The following TMEM266 variants were observed in gnomAD, a reference collection of about 807,000 sequenced individuals.
TMEM266 encodes transmembrane protein 266, also known as Hv1 related protein 1.
In TMEM266, 33 loss-of-function variants were observed where a neutral mutation model predicts 50.5. The ratio of observed to expected loss-of-function variants is 0.65; its 90% CI spans 0.50 to 0.87. The LOEUF is 0.87. Among genes scored for constraint, TMEM266 ranks in the 40% least tolerant of loss-of-function variants. The pLI is 0.00. For synonymous variants in TMEM266, 310 were observed against 292.3 expected (o/e 1.06, Z -0.62); for missense variants, 655 against 695.1 (o/e 0.94, Z 0.65).
intron 2 of TMEM266, 60 bp downstream of exon 2, chr15:76,134,361 G>T: frequency 1.3e-6 from 2 of 1,559,018 alleles, no homozygotes; most frequent in Admixed American, 1.7e-5. Context: ...TCTCCCAGAA[G>T]ATGAAGATCT....
chr15:76,074,208 A>G (rs1209887811), intron 1 of TMEM266, among the ~76,000 whole-genome samples: 1 of 152,090 alleles, frequency 6.6e-6, no homozygotes, highest in Non-Finnish European at 1.5e-5. Context: ...ATCCTTTCAG[A>G]CTGGTTATTC....
intron 1 of TMEM266, among the ~76,000 whole-genome samples, chr15:76,086,036 G>A (rs973517935): frequency 7.1e-6 from 1 of 140,838 alleles, no homozygotes; most frequent in African/African-American, 2.7e-5. Flanking sequence ...CGATGAGAGC[G>A]AAACTCCATT....
At chr15:76,127,552 C>T (rs775532065) in intron 1 of TMEM266, among the ~76,000 whole-genome samples, 2 of 152,142 alleles carry the variant, frequency 1.3e-5, no homozygotes, top group Non-Finnish European at 2.9e-5. Flanking sequence ...CCTCTTACTC[C>T]TGATATCAAG....
intron 1 of TMEM266, among the ~76,000 whole-genome samples, chr15:76,079,625 TA>T (rs2036655483): frequency 6.7e-6 from 1 of 149,720 alleles, no homozygotes; most frequent in Admixed American, 6.7e-5. Flanking sequence ...CCATCTCTAC[TA>T]AAAATACAAA....
intron 2 of TMEM266, among the ~76,000 whole-genome samples, chr15:76,134,748 C>T (rs758465009): frequency 3.9e-5 from 6 of 152,190 alleles, no homozygotes; most frequent in Non-Finnish European, 7.3e-5. Context: ...TAGATATGGG[C>T]CTGACTGCTC....
intron 9 of TMEM266, among the ~76,000 whole-genome samples, chr15:76,196,706 G>C (rs1332920312): frequency 5.3e-5 from 8 of 152,150 alleles, no homozygotes; most frequent in Admixed American, 3.9e-4. Flanking sequence ...TGTTTTGCAG[G>C]GTGGGGGAGG....
intron 1 of TMEM266, among the ~76,000 whole-genome samples, chr15:76,063,690 C>T (rs1402050557): frequency 1.3e-5 from 2 of 152,160 alleles, no homozygotes; most frequent in African/African-American, 2.4e-5. Flanking sequence ...AATGAATGCT[C>T]CAAAGGGCAG....
chr15:76,158,155 T>A (rs2037956172), intron 4 of TMEM266, among the ~76,000 whole-genome samples: 1 of 152,202 alleles, frequency 6.6e-6, no homozygotes, highest in Admixed American at 6.5e-5. Context: ...CCCCAATTCC[T>A]TTATGGGATC....
chr15:76,171,896 C>A (rs2038194217), intron 7 of TMEM266, among the ~76,000 whole-genome samples: 1 of 152,164 alleles, frequency 6.6e-6, no homozygotes, highest in South Asian at 2.1e-4. Context: ...GAAAACCCAC[C>A]CCTGAAGAAT....
chr15:76,188,175 A>G (rs187244642), intron 8 of TMEM266, among the ~76,000 whole-genome samples: 38 of 152,264 alleles, frequency 2.5e-4, no homozygotes, highest in African/African-American at 7.9e-4. Context: ...CACGCTGCTA[A>G]TAAAGACATA....
intron 8 of TMEM266, among the ~76,000 whole-genome samples, chr15:76,179,166 C>T (rs866924806): frequency 2.0e-5 from 3 of 152,184 alleles, no homozygotes; most frequent in South Asian, 2.1e-4. Flanking sequence ...GAGCTGGCTT[C>T]GAACCCAGGT....
chr15:76,128,444 T>A (rs1306099370), intron 1 of TMEM266, among the ~76,000 whole-genome samples: 1 of 152,184 alleles, frequency 6.6e-6, no homozygotes, highest in Non-Finnish European at 1.5e-5. Flanking sequence ...TGGAAGAGAC[T>A]GGAATTTGAC....
intron 8 of TMEM266, among the ~76,000 whole-genome samples, chr15:76,191,294 C>CA (rs2038563469): frequency 6.6e-6 from 1 of 152,250 alleles, no homozygotes; most frequent in African/African-American, 2.4e-5. Context: ...AATAGGCTGC[C>CA]ACGCCATCTG....
At chr15:76,180,117 T>C (rs2038375482) in intron 8 of TMEM266, among the ~76,000 whole-genome samples, 1 of 152,206 alleles carries the variant, frequency 6.6e-6, no homozygotes, top group African/African-American at 2.4e-5. Flanking sequence ...CAAAAAATAG[T>C]GAAGCAGGTG....
At chr15:76,093,602 G>A (rs1303057047) in intron 1 of TMEM266, among the ~76,000 whole-genome samples, 1 of 152,060 alleles carries the variant, frequency 6.6e-6, no homozygotes, top group Non-Finnish European at 1.5e-5. Context: ...ATAGTAGCAT[G>A]ATTTATAATC....
Position 76,204,651 on chromosome 15 carries a change from C to CTGA in TMEM266, c.*337_*339dup. ...TCAGCCTCTTGCGTTGCCTTCGTTC[C>CTGA]TGACGCCCACCCTGGACTCTAGGGA... On this transcript the variant is annotated 3_prime_UTR_variant, in exon 11 of 11. Transcript: ENST00000388942. 1 of 202,858 alleles carries CTGA rather than the reference C, an allele frequency of 4.9e-6. No homozygotes were observed. Among genetic ancestry groups the CTGA allele is most frequent in the Non-Finnish European group, 1.0e-5 (1 of 99,492 alleles). The allele number at this position is 202,858 out of a possible 1,614,324, so 12.6% of individuals were successfully genotyped here.
chr15:76,179,846 T>C (rs902035449), intron 8 of TMEM266, among the ~76,000 whole-genome samples: 11 of 152,164 alleles, frequency 7.2e-5, no homozygotes, highest in African/African-American at 2.7e-4. Flanking sequence ...CCCAGTGCTC[T>C]GGAAGGCTGA....
In TMEM266 at chr15:76,139,408, T is replaced by C. The variant is rs2142033278; in HGVS notation, c.227+1513T>C. Among the ~76,000 whole-genome samples the C allele has an allele frequency of 6.6e-6, 1 of 152,346 alleles. No homozygotes were observed. The highest frequency in any genetic ancestry group is 1.5e-5 in the Non-Finnish European group (1 of 68,030). Reference sequence around the variant, plus strand: ...AGGGACACCTGCAGTGGCAGCACTGTCCTGAGCTCTGTCAGGTCCTTACCA... The same window carrying C: ...AGGGACACCTGCAGTGGCAGCACTGCCCTGAGCTCTGTCAGGTCCTTACCA... On this transcript the variant is annotated intron_variant, in intron 3 of 10. Coordinates refer to ENST00000388942, the MANE Select transcript of TMEM266 (RefSeq NM_152335.3). This position sits in a 1 kb window ranked among gnomAD's most constrained non-coding sequence, Gnocchi z 4.1.
At chr15:76,100,601 C>G (rs2036987400) in intron 1 of TMEM266, among the ~76,000 whole-genome samples, 1 of 152,210 alleles carries the variant, frequency 6.6e-6, no homozygotes, top group African/African-American at 2.4e-5. Flanking sequence ...GTTGAATGAG[C>G]TGGATAAGTG....
Sources: allele counts gnomAD v4.1 joint callset (sites outside exome capture counted in the v4.1 genomes callset), GRCh38; gene constraint gnomAD v4.1.1; non-coding constraint Gnocchi (gnomAD v3.1); transcripts MANE v1.5; gene names NCBI Gene and HGNC (gene_info 2026-07-23, HGNC 2026-07-21).